The following ZNF385D variants were observed in gnomAD, a reference collection of about 807,000 sequenced individuals.
The protein encoded by ZNF385D is zinc finger protein 385D, also known as zinc finger protein 659.
In ZNF385D, 15 loss-of-function variants were observed where a neutral mutation model predicts 35.8. The observed-to-expected ratio is 0.42, with a 90% CI of 0.28 to 0.64. The LOEUF (loss-of-function observed/expected upper bound fraction) is 0.64, where lower values mean the gene tolerates loss of function less well. Among genes scored for constraint, ZNF385D ranks in the 30% least tolerant of loss-of-function variants. The pLI, the probability that ZNF385D is intolerant of heterozygous loss-of-function variation, is 0.23. For synonymous variants in ZNF385D, 212 were observed against 186.8 expected (o/e 1.13, Z -1.10); for missense variants, 474 against 494.6 (o/e 0.96, Z 0.39).
At chr3:21,879,330 G>T (rs1230770616) in intron 3 of ZNF385D, among the ~76,000 whole-genome samples, 2 of 151,936 alleles carry the variant, frequency 1.3e-5, no homozygotes, top group Non-Finnish European at 2.9e-5. Flanking sequence ...GAGGACACAT[G>T]GGATCCGTTT....
rs913448821 is a variant in ZNF385D, at chr3:21,419,419, C to G, written c.*1795G>C. 1 of 152,090 alleles carries G rather than the reference C, an allele frequency of 6.6e-6. No individual in the cohort carries two copies. Among genetic ancestry groups the G allele is most frequent in the Admixed American group, 6.6e-5 (1 of 15,244 alleles). 9.4% of individuals were successfully genotyped at this position (152,090 alleles called of 1,614,324 possible). ...TTTCTTAAATATAAAATGATAAATG[C>G]TAAATACCTATGTCTCAAATGGTTT... is the stretch of plus-strand genomic sequence containing the variant. On this transcript the variant is annotated 3_prime_UTR_variant, in exon 8 of 8. Coordinates refer to ENST00000281523, the MANE Select transcript of ZNF385D (RefSeq NM_024697.3).
chr3:21,927,693 A>G (rs544535537), intron 3 of ZNF385D, among the ~76,000 whole-genome samples: 3 of 152,318 alleles, frequency 2.0e-5, no homozygotes, highest in African/African-American at 7.2e-5. Flanking sequence ...GAATATTCTG[A>G]TATCAGACAA....
chr3:22,096,328 A>G (rs536521768), intron 3 of ZNF385D, among the ~76,000 whole-genome samples: 1 of 150,096 alleles, frequency 6.7e-6, no homozygotes, highest in Non-Finnish European at 1.5e-5. Flanking sequence ...AGTTGAAACT[A>G]TTTTTTTAAA....
intron 3 of ZNF385D, among the ~76,000 whole-genome samples, chr3:22,168,063 A>G (rs2125755965): frequency 6.6e-6 from 1 of 152,324 alleles, no homozygotes; most frequent in African/African-American, 2.4e-5. Flanking sequence ...ACATTCATTC[A>G]CATTTTTAAA....
At chr3:21,496,566 T>C (rs1362162919) in intron 4 of ZNF385D, among the ~76,000 whole-genome samples, 1 of 121,540 alleles carries the variant, frequency 8.2e-6, no homozygotes, top group East Asian at 2.7e-4. Flanking sequence ...ATATATTTGA[T>C]ATATATATCA....
At chr3:21,922,426 G>C (rs754377743) in intron 3 of ZNF385D, among the ~76,000 whole-genome samples, 1 of 152,088 alleles carries the variant, frequency 6.6e-6, no homozygotes, top group Non-Finnish European at 1.5e-5. Context: ...TCATGGTACT[G>C]GTACAAAAGC....
At chr3:21,814,510 C>T (rs528815592) in intron 3 of ZNF385D, among the ~76,000 whole-genome samples, 20 of 151,858 alleles carry the variant, frequency 1.3e-4, no homozygotes, top group Non-Finnish European at 1.9e-4. Flanking sequence ...AAATGGAAAA[C>T]AAAAAAAGCA....
intron 3 of ZNF385D, among the ~76,000 whole-genome samples, chr3:21,951,005 C>T (rs568376440): frequency 6.6e-6 from 1 of 151,740 alleles, no homozygotes; most frequent in East Asian, 1.9e-4. Flanking sequence ...GTTCTTTTTG[C>T]TTAGGATTGT....
intron 3 of ZNF385D, among the ~76,000 whole-genome samples, chr3:21,949,821 C>G (rs1274663305): frequency 2.0e-5 from 3 of 152,048 alleles, no homozygotes; most frequent in Non-Finnish European, 2.9e-5. Flanking sequence ...GTTTTCTGTT[C>G]CAGTGTTAGT....
In ZNF385D at chr3:21,636,364, T is replaced by TTATATATATGATTATA. The variant is rs2065434747; in HGVS notation, c.165+28521_165+28522insTATAATCATATATATA. On this transcript the variant is annotated intron_variant, in intron 2 of 7. Transcript: ENST00000281523. Reference sequence around the variant, plus strand: ...TTTACATATATATGATTATATATGATTATATATATATGATTATATATATAT... The same window carrying TTATATATATGATTATA: ...TTTACATATATATGATTATATATGATTATATATATGATTATATATATATATATGATTATATATATAT... 5.3e-5 allele frequency among the ~76,000 whole-genome samples: 6 copies of TTATATATATGATTATA among 113,896 alleles called. No individual in the cohort carries two copies. In the South Asian group the frequency reaches 1.7e-3, roughly 32 times the overall value. 74.7% of individuals were successfully genotyped at this position (113,896 alleles called of 152,430 possible).
At chr3:21,884,339 C>T (rs937358175) in intron 3 of ZNF385D, among the ~76,000 whole-genome samples, 6 of 152,088 alleles carry the variant, frequency 3.9e-5, no homozygotes, top group South Asian at 2.1e-4. Flanking sequence ...AAATCACCAT[C>T]CCTTCGCTGG....
intron 4 of ZNF385D, among the ~76,000 whole-genome samples, chr3:21,438,767 G>C (rs17008730): frequency 0.01 from 1,545 of 152,182 alleles, 28 homozygotes; most frequent in African/African-American, 0.035. Context: ...TCAAAATCAT[G>C]CTGCAAATCT....
At chr3:21,833,702 C>T (rs758439805) in intron 3 of ZNF385D, among the ~76,000 whole-genome samples, 1 of 152,136 alleles carries the variant, frequency 6.6e-6, no homozygotes, top group Non-Finnish European at 1.5e-5. Flanking sequence ...GGCTTAAGAG[C>T]AGGAGACTTG....
At chr3:21,967,388 A>G (rs1702971954) in intron 3 of ZNF385D, among the ~76,000 whole-genome samples, 1 of 152,200 alleles carries the variant, frequency 6.6e-6, no homozygotes, top group South Asian at 2.1e-4. Flanking sequence ...TCAAAATTCA[A>G]GCGTGGAACT....
intron 1 of ZNF385D, among the ~76,000 whole-genome samples, chr3:21,703,997 C>A (rs1035294272): frequency 6.6e-6 from 1 of 152,162 alleles, no homozygotes; most frequent in Non-Finnish European, 1.5e-5. Context: ...TTTGTAGGGC[C>A]CTGCCTGTTT....
chr3:22,145,353 A>T (rs1704785220), intron 3 of ZNF385D, among the ~76,000 whole-genome samples: 1 of 152,198 alleles, frequency 6.6e-6, no homozygotes, highest in Admixed American at 6.5e-5. Flanking sequence ...TAAAATGCCT[A>T]AGCTTATACA....
At chr3:22,101,804 G>A (rs1399426914) in intron 3 of ZNF385D, among the ~76,000 whole-genome samples, 1 of 151,882 alleles carries the variant, frequency 6.6e-6, no homozygotes, top group Non-Finnish European at 1.5e-5. Flanking sequence ...TATACTTCTT[G>A]GAAATCTTAG....
chr3:22,220,510 A>G (rs1422496945), intron 2 of ZNF385D, among the ~76,000 whole-genome samples: 1 of 152,216 alleles, frequency 6.6e-6, no homozygotes, highest in South Asian at 2.1e-4. Flanking sequence ...CCACAGGGCA[A>G]AAGTCCTTGA....
In ZNF385D at chr3:21,751,016, A is replaced by G. The variant is rs573078415; in HGVS notation, c.-100T>C. 9 of 1,604,722 alleles carry G rather than the reference A, an allele frequency of 5.6e-6. No homozygotes were observed. Among genetic ancestry groups the G allele is most frequent in the South Asian group, 3.3e-5 (3 of 89,950 alleles). On this transcript the variant is annotated 5_prime_UTR_variant, in exon 1 of 8. Coordinates refer to ENST00000281523, the MANE Select transcript of ZNF385D (RefSeq NM_024697.3). The stretch of plus-strand genomic sequence containing the variant: ...CCCTTTCATGCTACATTCGGTGGAA[A>G]TGTCCCCGGCGTGGAGAGCAGTGAG...
Sources: allele counts gnomAD v4.1 joint callset (sites outside exome capture counted in the v4.1 genomes callset), GRCh38; gene constraint gnomAD v4.1.1; transcripts MANE v1.5; gene names NCBI Gene and HGNC (gene_info 2026-07-23, HGNC 2026-07-21).